TST: variants seen among roughly 807,000 people sequenced by gnomAD.
TST encodes epididymis secretory sperm binding protein.
TST carries 22 observed loss-of-function variants against 20.4 expected under a neutral mutation model. The ratio of observed to expected loss-of-function variants is 1.08; its 90% confidence interval spans 0.77 to 1.54. TST has a LOEUF of 1.54. Among genes scored for constraint, TST ranks in the 40% most tolerant of loss-of-function variants. The pLI, the probability that TST is intolerant of heterozygous loss-of-function variation, is 0.00. For missense variants in TST, 392 were observed against 405.2 expected, an observed-to-expected ratio of 0.97 and a Z score of 0.28; for synonymous variants, 187 against 173.8, an observed-to-expected ratio of 1.08 and a Z score of -0.60.
At position 37,018,336 on chromosome 22, in the gene TST, T is replaced by C. The variant is rs1922782569; in HGVS notation, c.397A>G (p.Asn133Asp). The C allele has an allele frequency of 6.2e-7, 1 of 1,613,818 alleles. No individual in the cohort carries two copies. The highest frequency in any genetic ancestry group is 8.5e-7 in the Non-Finnish European group (1 of 1,180,026). The change falls in exon 2 of 3, where the codon AAC (asparagine) becomes GAC (aspartate). Residue 133 changes from asparagine to aspartate, a missense_variant. Transcript: ENST00000249042. ...TVSVLNGGFR[N>D]WLKEGHPVTS... ...ACCGGGTGGCCCTCCTTCAGCCAGTTCCGGAAGCCACCATTGAGCACTGAT... is the reference window on the plus strand; with the variant it reads ...ACCGGGTGGCCCTCCTTCAGCCAGTCCCGGAAGCCACCATTGAGCACTGAT...
At chr22:37,019,763 G>A, upstream of TST, 1 of 648,278 alleles carries the variant, frequency 1.5e-6, no homozygotes, top group Non-Finnish European at 2.2e-6. Flanking sequence ...TCCTCCCTTT[G>A]GTCCGCTGCA....
At chr22:37,012,197 T>C (rs1449222739) in intron 2 of TST, among the ~76,000 whole-genome samples, 1 of 152,014 alleles carries the variant, frequency 6.6e-6, no homozygotes, top group African/African-American at 2.4e-5. Flanking sequence ...TCACCACCCA[T>C]GGAGGGGGTA....
At chr22:37,019,887 G>A, upstream of TST, 1 of 1,204,928 alleles carries the variant, frequency 8.3e-7, no homozygotes. Flanking sequence ...CTGCCGCGGC[G>A]TGGCGGCTTG....
In TST at chr22:37,018,323, T is replaced by C. The variant is rs771379233; in HGVS notation, c.410A>G (p.Glu137Gly). The C allele has an allele frequency of 6.2e-7, 1 of 1,613,904 alleles. No individual in the cohort carries two copies. The highest frequency in any genetic ancestry group is 2.2e-5 in the East Asian group (1 of 44,866). Reference sequence around the variant, plus strand: ...GGGCTCGGATGTCACCGGGTGGCCCTCCTTCAGCCAGTTCCGGAAGCCACC... The same window carrying C: ...GGGCTCGGATGTCACCGGGTGGCCCCCCTTCAGCCAGTTCCGGAAGCCACC... ...LNGGFRNWLKEGHPVTSEPSR... is the reference protein window; with the variant it reads ...LNGGFRNWLKGGHPVTSEPSR... Residue 137 changes from glutamate (E) to glycine (G), a missense_variant, in exon 2 of 3, where the codon GAG (glutamate) becomes GGG (glycine). Glu to Gly is a moderately conservative substitution (Grantham distance 98). Coordinates refer to ENST00000249042, the MANE Select transcript of TST (RefSeq NM_003312.6).
chr22:37,014,299 G>A (rs958571171), intron 2 of TST, among the ~76,000 whole-genome samples: 2 of 152,236 alleles, frequency 1.3e-5, no homozygotes, highest in Non-Finnish European at 2.9e-5. Context: ...GAACCCAGGA[G>A]GCGGAGCTTA....
In TST at chr22:37,011,006, G is replaced by A; in HGVS notation, c.*21C>T. On this transcript the variant is annotated 3_prime_UTR_variant, in exon 3 of 3. Coordinates refer to ENST00000249042, the MANE Select transcript of TST (RefSeq NM_003312.6). ...GGTCACTAAACCGGCCGCAGTTACA[G>A]TAAGCAGAAGAGGTCACGGCTCAGG... 1 of 1,592,114 alleles carries A rather than the reference G, an allele frequency of 6.3e-7. No homozygotes were observed. The highest frequency in any genetic ancestry group is 8.6e-7 in the Non-Finnish European group (1 of 1,166,158).
Position 37,018,348 on chromosome 22 carries a change from CATTGA to C in TST, c.380_384del (p.Leu127ArgfsTer45). 6.2e-7 allele frequency: 1 copy of C among 1,614,058 alleles called. No homozygotes were observed. Among genetic ancestry groups the C allele is most frequent in the Non-Finnish European group, 8.5e-7 (1 of 1,180,030 alleles). On this transcript the variant is annotated frameshift_variant, in exon 2 of 3. Coordinates refer to ENST00000249042, the MANE Select transcript of TST (RefSeq NM_003312.6). LOFTEE classifies it high-confidence loss of function. ...TCCTTCAGCCAGTTCCGGAAGCCAC[CATTGA>C]GCACTGATACGGTGCGGTGGCCAAA... is the stretch of plus-strand genomic sequence containing the variant.
intron 2 of TST, among the ~76,000 whole-genome samples, chr22:37,014,909 C>G (rs1350669028): frequency 6.6e-6 from 1 of 152,186 alleles, no homozygotes; most frequent in Non-Finnish European, 1.5e-5. Flanking sequence ...TTAACCCTAG[C>G]CAGGAAGAGG....
In TST at chr22:37,018,163, G is replaced by C; in HGVS notation, c.570C>G (p.Gly190=). The C allele has an allele frequency of 6.4e-7, 1 of 1,567,544 alleles. No individual in the cohort carries two copies. Among genetic ancestry groups the C allele is most frequent in the Non-Finnish European group, 8.7e-7 (1 of 1,154,562 alleles). The change falls in exon 2 of 3, where the codon GGC becomes GGG. Residue 190 remains glycine, a synonymous_variant. Transcript: ENST00000249042. ...VDSRSQGRFL[G]TEPEPDAVGL... ...CTACTGCATCCGGCTCCGGCTCGGT[G>C]CCCAGGAACCGCCCTTGAGACCTTG...
At chr22:37,013,646 T>C (rs563794347) in intron 2 of TST, among the ~76,000 whole-genome samples, 62 of 152,270 alleles carry the variant, frequency 4.1e-4, no homozygotes, top group Admixed American at 4.1e-3. Context: ...ATATAACGTA[T>C]AAAATTAGAG....
chr22:37,015,966 CAG>C (rs1171495576), intron 2 of TST, among the ~76,000 whole-genome samples: 2 of 81,002 alleles, frequency 2.5e-5, no homozygotes, highest in Admixed American at 1.7e-4. Context: ...TTTTTTGAGA[CAG>C]AGTCTTGTTC....
intron 1 of TST, 145 bp from the exon 2 acceptor site, chr22:37,018,898 T>A: frequency 1.8e-6 from 1 of 560,088 alleles, no homozygotes; most frequent in Non-Finnish European, 2.9e-6. Flanking sequence ...GGCTGGGGCG[T>A]GCAGCGGGAT....
chr22:37,016,817 G>A (rs79350605), intron 2 of TST, among the ~76,000 whole-genome samples: 1 of 152,182 alleles, frequency 6.6e-6, no homozygotes, highest in South Asian at 2.1e-4. Flanking sequence ...AAAAAGCTGC[G>A]CTGGAAAGGG....
intron 2 of TST, among the ~76,000 whole-genome samples, chr22:37,016,005 G>A (rs141868378): frequency 0.027 from 3,831 of 141,524 alleles, 166 homozygotes; most frequent in African/African-American, 0.095. Flanking sequence ...GTGCAGTGGC[G>A]CGATCTTGGC....
At chr22:37,011,440 A>G in intron 2 of TST, 115 bp from the exon 3 acceptor site, 3 of 1,173,826 alleles carry the variant, frequency 2.6e-6, no homozygotes, top group Admixed American at 5.3e-5. Context: ...AATAAAAATA[A>G]CATCTTTGCT....
At chr22:37,015,249 AAG>A in intron 2 of TST, among the ~76,000 whole-genome samples, 1 of 152,318 alleles carries the variant, frequency 6.6e-6, no homozygotes, top group Non-Finnish European at 1.5e-5. Context: ...AGGTGTCCAG[AAG>A]AGACTATATA....
chr22:37,017,499 C>T (rs938621795), intron 2 of TST, among the ~76,000 whole-genome samples: 2 of 152,210 alleles, frequency 1.3e-5, no homozygotes, highest in Admixed American at 1.3e-4. Context: ...GTCCCCCCAC[C>T]CCCCGCTGCC....
At chr22:37,015,450 A>G (rs554865767) in intron 2 of TST, among the ~76,000 whole-genome samples, 18 of 152,338 alleles carry the variant, frequency 1.2e-4, no homozygotes, top group African/African-American at 4.1e-4. Context: ...CCTTTCACGA[A>G]CAACAGTTAG....
At chr22:37,016,754 C>A (rs1020262130) in intron 2 of TST, among the ~76,000 whole-genome samples, 4 of 152,330 alleles carry the variant, frequency 2.6e-5, no homozygotes, top group Admixed American at 2.0e-4. Flanking sequence ...GAACTTGAAT[C>A]TTCAACTCCA....
Sources: gnomAD v4.1 joint callset for allele counts (sites outside exome capture counted in the v4.1 genomes callset) on GRCh38, gnomAD v4.1.1 for gene constraint, MANE v1.5 for transcripts, NCBI Gene and HGNC (gene_info 2026-07-23, HGNC 2026-07-21) for gene names.